The following SPATA9 variants were observed in gnomAD, a reference collection of about 807,000 sequenced individuals.
SPATA9 encodes the protein spermatogenesis associated 9, also known as spermatogenesis-associated protein 9.
A neutral mutation model predicts 25.5 loss-of-function variants in SPATA9; 27 were observed. The ratio of observed to expected loss-of-function variants is 1.06; its 90% CI spans 0.78 to 1.46. The LOEUF (loss-of-function observed/expected upper bound fraction) is 1.46, where lower values mean the gene tolerates loss of function less well. Ranked by LOEUF, SPATA9 falls within the 40% of genes most tolerant of loss-of-function variation. The probability of loss-of-function intolerance (pLI) is 0.00; values close to 1 mark genes in which losing one functional copy is unlikely to be tolerated. For missense variants in SPATA9, 282 were observed against 297.5 expected, an observed-to-expected ratio of 0.95 and a Z score of 0.38; for synonymous variants, 102 against 105.7, an observed-to-expected ratio of 0.97 and a Z score of 0.21.
At chr5:95,728,918 T>C in the SPATA9 span, among the ~76,000 whole-genome samples, 1 of 152,178 alleles carries the variant, frequency 6.6e-6, no homozygotes, top group South Asian at 2.1e-4. Context: ...ATGCTAATTA[T>C]AATGCACTAG....
In SPATA9 at chr5:95,675,398, C is replaced by A; in HGVS notation, c.378+14G>T. On this transcript the variant is annotated intron_variant, in intron 3 of 4. Transcript: ENST00000274432. ...TTAAAAAAGGGGAATTGTGCATATG[C>A]AGTATTCCCTTACCTGAATGTTATA... 2 of 1,596,080 alleles carry A rather than the reference C, an allele frequency of 1.3e-6. No homozygotes were observed. Among genetic ancestry groups the A allele is most frequent in the South Asian group, 2.3e-5 (2 of 88,312 alleles).
At chr5:95,704,892 C>A in the SPATA9 span, among the ~76,000 whole-genome samples, 1 of 151,940 alleles carries the variant, frequency 6.6e-6, no homozygotes, top group South Asian at 2.1e-4. Flanking sequence ...GAGAGTGTAC[C>A]CTTCAAACTT....
chr5:95,702,117 A>C (rs1754193265), upstream of SPATA9, among the ~76,000 whole-genome samples: 1 of 152,166 alleles, frequency 6.6e-6, no homozygotes, highest in Non-Finnish European at 1.5e-5. Flanking sequence ...CAGTCAACAG[A>C]GTCAGTAGGG....
chr5:95,700,137 A>G (rs1754140431), upstream of SPATA9, among the ~76,000 whole-genome samples: 1 of 152,162 alleles, frequency 6.6e-6, no homozygotes, highest in South Asian at 2.1e-4. Context: ...CTCATGTTGT[A>G]ATTATTTTTA....
intron 4 of SPATA9, among the ~76,000 whole-genome samples, chr5:95,660,799 A>G (rs973010380): frequency 6.6e-6 from 1 of 152,184 alleles, no homozygotes; most frequent in African/African-American, 2.4e-5. Flanking sequence ...TTTTTAACCT[A>G]CATCCTACCA....
rs149949000 is a variant in SPATA9 at position 95,688,341 on chromosome 5, C to T, written n.124+10247G>A. On this transcript the variant is annotated intron_variant and non_coding_transcript_variant, in intron 1 of 2. Coordinates refer to the SPATA9 transcript ENST00000379990. ...GATCAAAACTCACTGCAGCCCCAAA[C>T]TCCTGGTTTCAAATGATCTTCCCAC... Among the ~76,000 whole-genome samples, 335 of 152,308 alleles carry T rather than the reference C, an allele frequency of 2.2e-3. 1 individual carries two copies. The highest frequency in any genetic ancestry group is 3.3e-3 in the South Asian group (16 of 4,824).
chr5:95,703,004 A>G (rs1754214062), upstream of SPATA9, among the ~76,000 whole-genome samples: 1 of 152,244 alleles, frequency 6.6e-6, no homozygotes, highest in Non-Finnish European at 1.5e-5. Flanking sequence ...TACCATTTGC[A>G]TTAAATCTGA....
chr5:95,711,118 C>A, the SPATA9 span, among the ~76,000 whole-genome samples: 2 of 152,058 alleles, frequency 1.3e-5, no homozygotes, highest in African/African-American at 4.8e-5. Context: ...GGTTTCCGAG[C>A]GGCTCCCTTA....
chr5:95,712,900 C>CTTT, the SPATA9 span, among the ~76,000 whole-genome samples: 3 of 151,878 alleles, frequency 2.0e-5, no homozygotes, highest in East Asian at 3.9e-4. Flanking sequence ...TTTTTAATTG[C>CTTT]TTTTTTTATC....
At chr5:95,730,813 A>C in the SPATA9 span, 1 of 446,388 alleles carries the variant, frequency 2.2e-6, no homozygotes, top group Non-Finnish European at 4.5e-6. Flanking sequence ...CAGCAGCATG[A>C]ATGTTGCCTT....
chr5:95,727,379 C>A, the SPATA9 span, among the ~76,000 whole-genome samples: 3 of 152,178 alleles, frequency 2.0e-5, no homozygotes, highest in East Asian at 5.8e-4. Context: ...GGAACCAACA[C>A]GTTTTTCAAA....
In SPATA9 at chr5:95,675,625, C is replaced by T. The variant is rs146705482; in HGVS notation, c.165G>A (p.Ala55=). The T allele has an allele frequency of 5.0e-4, 805 of 1,613,946 alleles. 14 individuals are homozygous for T. The East Asian group carries it at 0.016, about 31-fold the overall frequency. Residue 55 remains alanine, a synonymous_variant, in exon 3 of 5, where the codon GCG becomes GCA. Transcript: ENST00000274432. ...CCATCCTGATTTTGGATGTTTTCTG[C>T]GCAGGTTCTCTTTTCTGAAAAATAG... is the stretch of plus-strand genomic sequence containing the variant. The part of the protein sequence containing the change: ...LSQSNQKREP[A]QKTSKIRMAI...
the SPATA9 span, chr5:95,731,387 G>T: frequency 8.6e-7 from 1 of 1,168,974 alleles, no homozygotes; most frequent in Non-Finnish European, 1.1e-6. Context: ...AGGGGACTGC[G>T]GTCAGCTGCG....
downstream of SPATA9, chr5:95,656,306 C>T (rs950290057): frequency 2.5e-6 from 4 of 1,599,462 alleles, no homozygotes; most frequent in African/African-American, 4.0e-5. Flanking sequence ...AGAGTTCTTC[C>T]TGATAAAAAA....
chr5:95,687,711 A>G (rs1327189161), upstream of SPATA9, among the ~76,000 whole-genome samples: 2 of 152,218 alleles, frequency 1.3e-5, no homozygotes, highest in African/African-American at 2.4e-5. Flanking sequence ...AGAGGAGAGA[A>G]TCGGCAACAT....
At chr5:95,682,712 T>G (rs1432563011) in intron 1 of SPATA9, 82 bp downstream of exon 1, 1 of 1,512,000 alleles carries the variant, frequency 6.6e-7, no homozygotes, top group Admixed American at 2.0e-5. Flanking sequence ...CCTAGATGAC[T>G]CGGAAAGTAA....
chr5:95,710,547 A>G, the SPATA9 span, among the ~76,000 whole-genome samples: 1 of 152,184 alleles, frequency 6.6e-6, no homozygotes, highest in Non-Finnish European at 1.5e-5. Flanking sequence ...TCTTAGATAA[A>G]TAGGCCACTG....
At chr5:95,661,180 C>G (rs898713389) in intron 4 of SPATA9, among the ~76,000 whole-genome samples, 4 of 152,058 alleles carry the variant, frequency 2.6e-5, no homozygotes, top group African/African-American at 9.7e-5. Flanking sequence ...TCACAACATC[C>G]TGAGTCTATT....
chr5:95,709,401 G>C, the SPATA9 span, among the ~76,000 whole-genome samples: 1 of 152,144 alleles, frequency 6.6e-6, no homozygotes, highest in Non-Finnish European at 1.5e-5. Flanking sequence ...TCTTAAGTAG[G>C]GCTAAAGGAA....
Sources: allele counts gnomAD v4.1 joint callset (sites outside exome capture counted in the v4.1 genomes callset), GRCh38; gene constraint gnomAD v4.1.1; transcripts MANE v1.5; gene names NCBI Gene and HGNC (gene_info 2026-07-23, HGNC 2026-07-21).